The following LRRIQ3 variants were observed in gnomAD, a reference collection of about 807,000 sequenced individuals.
The protein encoded by LRRIQ3 is leucine rich repeats and IQ motif containing 3.
LRRIQ3 carries 75 observed loss-of-function variants against 59.3 expected under a neutral mutation model. The ratio of observed to expected loss-of-function variants is 1.26; its 90% confidence interval spans 1.05 to 1.53. The LOEUF (loss-of-function observed/expected upper bound fraction) is 1.53, where lower values mean the gene tolerates loss of function less well. LRRIQ3 is among the 40% of genes most tolerant of loss of function. The probability of loss-of-function intolerance (pLI) is 0.00; values close to 1 mark genes in which losing one functional copy is unlikely to be tolerated. For synonymous variants in LRRIQ3, 250 were observed against 231.3 expected, an observed-to-expected ratio of 1.08 and a Z score of -0.73; for missense variants, 831 against 710.0, an observed-to-expected ratio of 1.17 and a Z score of -1.94.
At chr1:74,154,111 G>A (rs1053683052) in intron 4 of LRRIQ3, among the ~76,000 whole-genome samples, 69 of 151,542 alleles carry the variant, frequency 4.6e-4, no homozygotes, top group Non-Finnish European at 5.8e-4. Context: ...CGTGGCGGCG[G>A]GTGCCTGTAG....
At chr1:74,073,869 TAAAGA>T (rs915909633) in intron 6 of LRRIQ3, among the ~76,000 whole-genome samples, 5 of 152,104 alleles carry the variant, frequency 3.3e-5, no homozygotes, top group African/African-American at 1.2e-4. Context: ...CTGTGAAAGA[TAAAGA>T]AAAGTTTATC....
chr1:74,135,436 A>G (rs978948498), intron 4 of LRRIQ3, among the ~76,000 whole-genome samples: 44 of 152,064 alleles, frequency 2.9e-4, no homozygotes, highest in African/African-American at 8.2e-4. Context: ...AATTCACCCA[A>G]TAGAATGAAA....
chr1:74,182,469 T>C (rs1043406425), intron 3 of LRRIQ3, 69 bp downstream of exon 3: 19 of 916,058 alleles, frequency 2.1e-5, no homozygotes, highest in Middle Eastern at 2.6e-4. Context: ...AATTTAGATA[T>C]AGAACTCAGA....
At chr1:74,037,506 C>T (rs1230320946) in intron 7 of LRRIQ3, among the ~76,000 whole-genome samples, 3 of 151,946 alleles carry the variant, frequency 2.0e-5, no homozygotes, top group Non-Finnish European at 4.4e-5. Flanking sequence ...GGTGTGGTGG[C>T]GGACGCTTGT....
At chr1:74,131,177 G>A (rs1053880598) in intron 4 of LRRIQ3, among the ~76,000 whole-genome samples, 100 of 152,068 alleles carry the variant, frequency 6.6e-4, no homozygotes, top group African/African-American at 2.2e-3. Flanking sequence ...TAAACCAGGA[G>A]GAAGCTGAAT....
intron 7 of LRRIQ3, among the ~76,000 whole-genome samples, chr1:74,038,058 A>G (rs1653926042): frequency 6.6e-6 from 1 of 152,198 alleles, no homozygotes; most frequent in South Asian, 2.1e-4. Context: ...CTAACACATT[A>G]AGCTCCCAGG....
At chr1:74,052,112 A>G (rs957981524) in intron 6 of LRRIQ3, among the ~76,000 whole-genome samples, 1 of 152,038 alleles carries the variant, frequency 6.6e-6, no homozygotes, top group Non-Finnish European at 1.5e-5. Context: ...TAAGATCAGG[A>G]TCTTAATTTG....
chr1:74,052,242 T>G (rs1487312870), intron 6 of LRRIQ3, among the ~76,000 whole-genome samples: 1 of 152,148 alleles, frequency 6.6e-6, no homozygotes, highest in Non-Finnish European at 1.5e-5. Flanking sequence ...TGGATCTAAC[T>G]TTCTCTTTTT....
intron 7 of LRRIQ3, among the ~76,000 whole-genome samples, 197 bp downstream of exon 7, chr1:74,041,016 G>A (rs1654026969): frequency 6.6e-6 from 1 of 151,776 alleles, no homozygotes; most frequent in Admixed American, 6.6e-5. Flanking sequence ...CAGGTGGAGA[G>A]ATGGGGAAAG....
intron 1 of LRRIQ3, among the ~76,000 whole-genome samples, chr1:74,187,591 G>T (rs1032442676): frequency 6.6e-6 from 1 of 152,190 alleles, no homozygotes; most frequent in African/African-American, 2.4e-5. Flanking sequence ...AAGGGTGAAG[G>T]TTGGGAGGGT....
chr1:74,091,141 C>T (rs1646390417), intron 5 of LRRIQ3, among the ~76,000 whole-genome samples: 1 of 152,028 alleles, frequency 6.6e-6, no homozygotes, highest in Non-Finnish European at 1.5e-5. Context: ...GTAGAAGGTC[C>T]TGTCCATAGT....
chr1:74,052,453 A>G (rs1371744679), intron 6 of LRRIQ3, among the ~76,000 whole-genome samples: 2 of 152,156 alleles, frequency 1.3e-5, no homozygotes, highest in African/African-American at 4.8e-5. Flanking sequence ...ATTTGCTGTG[A>G]GGGTTGAGTG....
At chr1:74,072,952 T>G (rs1214128080) in intron 6 of LRRIQ3, among the ~76,000 whole-genome samples, 1 of 152,170 alleles carries the variant, frequency 6.6e-6, no homozygotes, top group Non-Finnish European at 1.5e-5. Context: ...TAAAAATGCT[T>G]TTGGCTCTTA....
chr1:74,091,294 C>T (rs1200667647), intron 5 of LRRIQ3, among the ~76,000 whole-genome samples: 1 of 152,132 alleles, frequency 6.6e-6, no homozygotes, highest in East Asian at 1.9e-4. Context: ...GATTCAGTTT[C>T]TAGTGGTAGA....
chr1:74,194,222 C>A (rs1043726292), intron 1 of LRRIQ3, among the ~76,000 whole-genome samples: 1 of 151,926 alleles, frequency 6.6e-6, no homozygotes, highest in Non-Finnish European at 1.5e-5. Flanking sequence ...AAATAAAAAT[C>A]CTGTCTCTAA....
At position 74,106,889 on chromosome 1, in the gene LRRIQ3, G is replaced by A. The variant is rs535391799; in HGVS notation, c.867+2505C>T. On this transcript the variant is annotated intron_variant, in intron 5 of 7. Transcript: ENST00000354431. ...CCTAATCTGTACCACTCACAACCAC[G>A]CTTTAATACCTGTAAGCCATGGAAA... Among the ~76,000 whole-genome samples the A allele has an allele frequency of 5.3e-5, 8 of 151,964 alleles. No homozygotes were observed. In the East Asian group the frequency reaches 9.7e-4, roughly 18 times the overall value.
chr1:74,183,242 T>C (rs1320604035), intron 2 of LRRIQ3, 194 bp downstream of exon 2: 1 of 421,146 alleles, frequency 2.4e-6, no homozygotes, highest in Non-Finnish European at 4.1e-6. Context: ...TTACACACTA[T>C]TTATGTATTT....
At chr1:74,186,842 T>C (rs1650414553) in intron 1 of LRRIQ3, among the ~76,000 whole-genome samples, 1 of 152,138 alleles carries the variant, frequency 6.6e-6, no homozygotes, top group South Asian at 2.1e-4. Flanking sequence ...ATTAAGGATA[T>C]ATTAAATTCA....
intron 6 of LRRIQ3, among the ~76,000 whole-genome samples, chr1:74,055,003 T>C (rs1317198117): frequency 6.8e-6 from 1 of 147,476 alleles, no homozygotes; most frequent in Non-Finnish European, 1.5e-5. Context: ...TAAAAATATA[T>C]TTTAAATAAT....
Sources: gnomAD v4.1 joint callset for allele counts (sites outside exome capture counted in the v4.1 genomes callset) on GRCh38, gnomAD v4.1.1 for gene constraint, MANE v1.5 for transcripts, NCBI Gene and HGNC (gene_info 2026-07-23, HGNC 2026-07-21) for gene names.